The following ADGRE1 variants were observed in gnomAD, a reference collection of about 807,000 sequenced individuals.
ADGRE1 encodes the protein EGF-like module receptor 1.
ADGRE1 carries 82 observed loss-of-function variants against 102.7 expected under a neutral mutation model. The ratio of observed to expected loss-of-function variants is 0.80; its 90% CI spans 0.67 to 0.96. The LOEUF (loss-of-function observed/expected upper bound fraction) is 0.96. ADGRE1 is among the 40% of genes least tolerant of loss of function. ADGRE1 has a pLI of 0.00. For missense variants in ADGRE1, 1,032 were observed against 1,085.3 expected, an observed-to-expected ratio of 0.95 and a Z score of 0.69; for synonymous variants, 398 against 399.6, an observed-to-expected ratio of 1.00 and a Z score of 0.05.
At chr19:6,920,066 TG>T (rs776221230) in intron 13 of ADGRE1, among the ~76,000 whole-genome samples, 1 of 152,132 alleles carries the variant, frequency 6.6e-6, no homozygotes, top group Non-Finnish European at 1.5e-5. Flanking sequence ...CTTCCCAAGC[TG>T]GGAGGCTGGG....
intron 17 of ADGRE1, among the ~76,000 whole-genome samples, chr19:6,934,662 A>G (rs1449966116): frequency 1.3e-5 from 2 of 150,718 alleles, no homozygotes; most frequent in Admixed American, 1.3e-4. Context: ...CAGTAGCACA[A>G]TCTCAGCTGT....
chr19:6,926,330 G>A (rs759089131), intron 15 of ADGRE1, 36 bp from the exon 16 acceptor site: 1 of 1,605,438 alleles, frequency 6.2e-7, no homozygotes, highest in Non-Finnish European at 8.5e-7. Flanking sequence ...TCTCTCTGGG[G>A]TGGAGGATTC....
Position 6,916,289 on chromosome 19 carries a change from G to T in ADGRE1, c.1341G>T (p.Glu447Asp). The change falls in exon 12 of 21, where the codon GAG becomes GAT. Residue 447 changes from glutamate (E) to aspartate (D), a missense_variant. By Grantham distance (45) the Glu-to-Asp change is conservative. Transcript: ENST00000312053. ...SKVINKECSE[E>D]NVTLDLVAKG... Reference sequence around the variant, plus strand: ...TTATCAACAAAGAATGCAGTGAAGAGAATGTGACGTTGGACTTGGTAGCCA... The same window carrying T: ...TTATCAACAAAGAATGCAGTGAAGATAATGTGACGTTGGACTTGGTAGCCA... The T allele has an allele frequency of 6.2e-7, 1 of 1,613,602 alleles. No homozygotes were observed. Among genetic ancestry groups the T allele is most frequent in the Non-Finnish European group, 8.5e-7 (1 of 1,179,674 alleles).
At chr19:6,932,251 G>A (rs1369656360) in intron 17 of ADGRE1, among the ~76,000 whole-genome samples, 4 of 151,930 alleles carry the variant, frequency 2.6e-5, no homozygotes, top group Non-Finnish European at 4.4e-5. Flanking sequence ...GGCGGATCAC[G>A]AGGTCAGGAG....
intron 9 of ADGRE1, 105 bp from the exon 10 acceptor site, chr19:6,908,584 C>A (rs1974053635): frequency 2.2e-6 from 2 of 905,848 alleles, no homozygotes; most frequent in Admixed American, 2.8e-5. Flanking sequence ...AATTCAGAGC[C>A]ACCTCATATG....
At chr19:6,898,794 C>G (rs1973664513) in intron 5 of ADGRE1, 1 of 470,426 alleles carries the variant, frequency 2.1e-6, no homozygotes, top group African/African-American at 2.0e-5. Flanking sequence ...AAAATTGGGG[C>G]TCAGAGAGGT....
At chr19:6,905,662 T>A (rs760069563) in intron 8 of ADGRE1, among the ~76,000 whole-genome samples, 15 of 152,072 alleles carry the variant, frequency 9.9e-5, no homozygotes, top group Non-Finnish European at 1.5e-4. Context: ...ACCTTTCTTT[T>A]AAAAAAGAAT....
intron 18 of ADGRE1, among the ~76,000 whole-genome samples, chr19:6,936,204 A>T (rs539910273): frequency 6.6e-6 from 1 of 152,310 alleles, no homozygotes; most frequent in Admixed American, 6.5e-5. Flanking sequence ...TGGGAGGCTG[A>T]GGCAGGTGGA....
chr19:6,934,914 C>A (rs532507717), intron 17 of ADGRE1, 73 bp from the exon 18 acceptor site: 7 of 1,090,784 alleles, frequency 6.4e-6, no homozygotes, highest in Non-Finnish European at 8.9e-6. Context: ...GCCCAGAGTT[C>A]TCTTTTTATA....
intron 12 of ADGRE1, among the ~76,000 whole-genome samples, chr19:6,917,737 C>T (rs1372777203): frequency 3.2e-5 from 2 of 62,366 alleles, no homozygotes; most frequent in African/African-American, 5.2e-5. Context: ...GAGACTCCAT[C>T]TCAAAAAAAA....
At chr19:6,901,311 C>T (rs1332755289) in intron 5 of ADGRE1, among the ~76,000 whole-genome samples, 2 of 152,084 alleles carry the variant, frequency 1.3e-5, no homozygotes, top group Non-Finnish European at 2.9e-5. Flanking sequence ...CATTTCTCTC[C>T]CATTTGGTCT....
intron 17 of ADGRE1, among the ~76,000 whole-genome samples, chr19:6,932,822 G>A (rs1473775604): frequency 1.3e-5 from 2 of 152,206 alleles, no homozygotes; most frequent in Non-Finnish European, 2.9e-5. Flanking sequence ...TCATGGAGGT[G>A]GTGGTGATGA....
intron 17 of ADGRE1, among the ~76,000 whole-genome samples, chr19:6,932,882 A>G (rs1975222870): frequency 6.6e-6 from 1 of 152,196 alleles, no homozygotes; most frequent in South Asian, 2.1e-4. Context: ...GGCATTGCCA[A>G]GAGTGCAGTA....
rs766721770 is a variant in ADGRE1 at position 6,896,450 on chromosome 19, T to TACAGTGGACAGTTACTATTGCGCTTGCAA, written c.151_179dup (p.Gly61TrpfsTer59). On this transcript the variant is annotated frameshift_variant, in exon 3 of 21. Transcript: ENST00000312053. LOFTEE classifies it high-confidence loss of function. ...GCCCAGCTTATGCCACCTGCACCAATACAGTGGACAGTTACTATTGCGCTT... is the reference window on the plus strand; with the variant it reads ...GCCCAGCTTATGCCACCTGCACCAATACAGTGGACAGTTACTATTGCGCTTGCAAACAGTGGACAGTTACTATTGCGCTT... 1.2e-6 allele frequency: 2 copies of TACAGTGGACAGTTACTATTGCGCTTGCAA among 1,614,124 alleles called. No homozygotes were observed. Among genetic ancestry groups the TACAGTGGACAGTTACTATTGCGCTTGCAA allele is most frequent in the South Asian group, 2.2e-5 (2 of 91,082 alleles).
At chr19:6,937,161 C>T in intron 18 of ADGRE1, 82 bp from the exon 19 acceptor site, 4 of 1,514,872 alleles carry the variant, frequency 2.6e-6, no homozygotes, top group Non-Finnish European at 3.6e-6. Flanking sequence ...AGAGTGGCCA[C>T]CTCAGACCAT....
At chr19:6,895,820 C>T (rs1334984195) in intron 2 of ADGRE1, 1 of 152,164 alleles carries the variant, frequency 6.6e-6, no homozygotes, top group Non-Finnish European at 1.5e-5. Context: ...ACTCACAGAC[C>T]CTACTCTGAG....
At chr19:6,898,292 C>T (rs1427801570) in intron 5 of ADGRE1, 134 of 1,594,722 alleles carry the variant, frequency 8.4e-5, no homozygotes, top group Non-Finnish European at 1.1e-4. Context: ...TTTGTAACTC[C>T]AATTCTCTGT....
At position 6,919,822 on chromosome 19, in the gene ADGRE1, C is replaced by A. The variant is rs1437512272; in HGVS notation, c.1620+75C>A. 6.3e-5 allele frequency: 91 copies of A among 1,448,116 alleles called. 1 individual carries two copies. The highest frequency in any genetic ancestry group is 4.8e-4 in the Admixed American group (26 of 54,024). 89.7% of individuals were successfully genotyped at this position (1,448,116 alleles called of 1,614,324 possible). ...CTCGTCTCTCGATTGCCTTAACTCT[C>A]ATTTTTTACGGGAAGCTATTGAGGC... On this transcript the variant is annotated intron_variant, in intron 13 of 20. Transcript: ENST00000312053.
intron 13 of ADGRE1, among the ~76,000 whole-genome samples, chr19:6,921,008 G>A (rs2097638569): frequency 1.3e-5 from 2 of 152,172 alleles, no homozygotes; most frequent in South Asian, 4.1e-4. Context: ...GAATGAGGCT[G>A]GGTGTGGTGG....
Sources: allele counts gnomAD v4.1 joint callset (sites outside exome capture counted in the v4.1 genomes callset), GRCh38; gene constraint gnomAD v4.1.1; transcripts MANE v1.5; gene names NCBI Gene and HGNC (gene_info 2026-07-23, HGNC 2026-07-21).